The following DIPK1B variants were observed in gnomAD, a reference collection of about 807,000 sequenced individuals.
DIPK1B encodes family with sequence similarity 69 member B.
Under a neutral mutation model 20.7 loss-of-function variants are expected in DIPK1B, and 17 were observed. That is an observed-to-expected ratio of 0.82 (90% CI 0.56 to 1.23). The LOEUF (loss-of-function observed/expected upper bound fraction) is 1.23. DIPK1B is among the 50% of genes most tolerant of loss of function. The pLI, the probability that DIPK1B is intolerant of heterozygous loss-of-function variation, is 0.00. For missense variants in DIPK1B, 648 were observed against 601.8 expected, an observed-to-expected ratio of 1.08 and a Z score of -0.80; for synonymous variants, 343 against 276.5, an observed-to-expected ratio of 1.24 and a Z score of -2.39.
At position 136,723,183 on chromosome 9, in the gene DIPK1B, G is replaced by A. The variant is rs147142278; in HGVS notation, c.705G>A (p.Pro235=). 1.6e-4 allele frequency: 251 copies of A among 1,612,766 alleles called. No individual in the cohort carries two copies. The highest frequency in any genetic ancestry group is 1.7e-4 in the Admixed American group (10 of 60,008). The change falls in exon 5 of 5, where the codon CCG becomes CCA. Residue 235 remains proline, a synonymous_variant. Transcript: ENST00000371692. Reference sequence around the variant, plus strand: ...ACCTCTACCTCACCGAGGGCGTGCCGCATGGCGCCTGGCACGCGGCCGCCC... The same window carrying A: ...ACCTCTACCTCACCGAGGGCGTGCCACATGGCGCCTGGCACGCGGCCGCCC... ...CGDLYLTEGV[P]HGAWHAAALP... is the part of the protein sequence containing the mutation.
intron 1 of DIPK1B, among the ~76,000 whole-genome samples, chr9:136,713,875 G>A (rs1846460205): frequency 1.3e-5 from 2 of 152,238 alleles, no homozygotes; most frequent in African/African-American, 2.4e-5. Flanking sequence ...GGTTAGTGCT[G>A]TGGGGCTCCT....
At chr9:136,718,157 G>T (rs1588282294) in intron 2 of DIPK1B, among the ~76,000 whole-genome samples, 6 of 131,018 alleles carry the variant, frequency 4.6e-5, no homozygotes, top group African/African-American at 1.4e-4. Flanking sequence ...CCGTGTGCTG[G>T]CCTCACTGGC....
chr9:136,716,101 G>C (rs1337392708), intron 1 of DIPK1B, among the ~76,000 whole-genome samples: 1 of 151,826 alleles, frequency 6.6e-6, no homozygotes, highest in Non-Finnish European at 1.5e-5. Flanking sequence ...TCTTGTCCTG[G>C]GGCTCCTCCC....
At chr9:136,717,817 C>T (rs1330582379) in intron 2 of DIPK1B, 106 bp downstream of exon 2, 24 of 1,526,466 alleles carry the variant, frequency 1.6e-5, no homozygotes, top group East Asian at 4.6e-5. Flanking sequence ...CCAGGGCCCA[C>T]GAGGCACGTG....
rs1846516860 is a variant in DIPK1B, at chr9:136,717,574, C to A, written c.64-3C>A. On this transcript the variant is annotated splice_polypyrimidine_tract_variant and splice_region_variant and intron_variant, in intron 1 of 4. Transcript: ENST00000371692. ...CCTCCTCACGCAGCCCCTTCCCCCA[C>A]AGGGCCGGCTCCCAGGCCTCAGGGT... 6.3e-7 allele frequency: 1 copy of A among 1,598,226 alleles called. No individual in the cohort carries two copies. The highest frequency in any genetic ancestry group is 1.3e-5 in the African/African-American group (1 of 74,932).
Position 136,712,751 on chromosome 9 carries a change from G to T in DIPK1B, c.63+23G>T. On this transcript the variant is annotated intron_variant, in intron 1 of 4. Coordinates refer to ENST00000371692, the MANE Select transcript of DIPK1B (RefSeq NM_152421.4). The surrounding 1 kb of genome is among the most constrained non-coding windows in gnomAD (Gnocchi z 5.6). Reference sequence around the variant, plus strand: ...CAGGTAAGCGCGGTGCGCGCCCGCCGCCCCCGGCCGCCTCTGCCTGGGGAG... The same window carrying T: ...CAGGTAAGCGCGGTGCGCGCCCGCCTCCCCCGGCCGCCTCTGCCTGGGGAG... 1.5e-6 allele frequency: 2 copies of T among 1,318,910 alleles called. No individual in the cohort carries two copies. Among genetic ancestry groups the T allele is most frequent in the Admixed American group, 3.9e-5 (1 of 25,802 alleles). The allele number at this position is 1,318,910 out of a possible 1,614,324, so 81.7% of individuals were successfully genotyped here. A position where few individuals can be genotyped will look rare whatever the true frequency, so the allele number is the denominator to read the frequency against.
In DIPK1B at chr9:136,717,651, G is replaced by A. The variant is rs868560525; in HGVS notation, c.138G>A (p.Val46=). 24 of 1,608,552 alleles carry A rather than the reference G, an allele frequency of 1.5e-5. No individual in the cohort carries two copies. The Middle Eastern group carries it at 3.5e-3, about 231-fold the overall frequency. ...WLGVFAGSWL[V]YVHYSSYSER... ...GCGTCTTTGCAGGCAGCTGGCTGGT[G>A]TACGTGCACTACTCGTCCTACTCGG... The change falls in exon 2 of 5, where the codon GTG becomes GTA. Residue 46 remains valine (V), a synonymous_variant. Coordinates refer to ENST00000371692, the MANE Select transcript of DIPK1B (RefSeq NM_152421.4).
At chr9:136,722,904 T>C in intron 4 of DIPK1B, 58 bp from the exon 5 acceptor site, 9 of 1,499,392 alleles carry the variant, frequency 6.0e-6, no homozygotes, top group Non-Finnish European at 8.0e-6. Flanking sequence ...AAAGGCCAGG[T>C]CGTGCTCCCA....
rs370469234 is a variant in DIPK1B, at chr9:136,722,992, G to A, written c.514G>A (p.Ala172Thr). 1.4e-5 allele frequency: 23 copies of A among 1,608,870 alleles called. 1 individual carries two copies. In the South Asian group the frequency reaches 2.0e-4, roughly 14 times the overall value. ...ANLGDLPSLP[A>T]LVGQVLLMAD... ...CCTGGGAGACCTGCCTTCCCTGCCG[G>A]CGCTGGTTGGCCAGGTCCTGCTCAT... Residue 172 changes from alanine to threonine, a missense_variant, in exon 5 of 5, where the codon GCG becomes ACG. Coordinates refer to ENST00000371692, the MANE Select transcript of DIPK1B (RefSeq NM_152421.4).
intron 3 of DIPK1B, 48 bp downstream of exon 3, chr9:136,722,076 G>A (rs763630124): frequency 1.2e-6 from 2 of 1,613,546 alleles, no homozygotes; most frequent in Non-Finnish European, 1.7e-6. Flanking sequence ...TACTGCCCGT[G>A]CAGTGGGAGG....
intron 1 of DIPK1B, among the ~76,000 whole-genome samples, chr9:136,716,615 G>A (rs1846500191): frequency 6.6e-6 from 1 of 151,778 alleles, no homozygotes; most frequent in Non-Finnish European, 1.5e-5. Flanking sequence ...TGCCCAGGAT[G>A]GTCTCAAACT....
At position 136,722,248 on chromosome 9, in the gene DIPK1B, A is replaced by T. The variant is rs1846617924; in HGVS notation, c.430A>T (p.Thr144Ser). ...RRELVLFDKPTRGTSIKEFRE... is the reference protein window; with the variant it reads ...RRELVLFDKPSRGTSIKEFRE... ...GGAGCTGGTACTGTTTGACAAGCCC[A>T]CCCGGGGCACCTCCATCAAGGAATT... The change falls in exon 4 of 5, where the codon ACC (threonine) becomes TCC (serine). Residue 144 changes from threonine (T) to serine (S), a missense_variant. By Grantham distance (58) the Thr-to-Ser change is moderately conservative. Transcript: ENST00000371692. The T allele has an allele frequency of 6.2e-7, 1 of 1,613,532 alleles. No homozygotes were observed. Among genetic ancestry groups the T allele is most frequent in the Non-Finnish European group, 8.5e-7 (1 of 1,179,928 alleles).
intron 2 of DIPK1B, among the ~76,000 whole-genome samples, chr9:136,720,283 G>A (rs12685134): frequency 0.08 from 12,168 of 152,244 alleles, 585 homozygotes; most frequent in Middle Eastern, 0.13. Flanking sequence ...CATGACTCAC[G>A]TGGCGGGGTC....
chr9:136,724,290 C>A lies in DIPK1B; in HGVS notation c.*516C>A, dbSNP rs1305341087. ...CTTCTGAAACAGTCAATGACCAGTA[C>A]CCCCCAAACCTGGGCTGTGCACAAC... On this transcript the variant is annotated 3_prime_UTR_variant, in exon 5 of 5. Transcript: ENST00000371692. Among the ~76,000 whole-genome samples, 2 of 152,180 alleles carry A rather than the reference C, an allele frequency of 1.3e-5. No individual in the cohort carries two copies. Among genetic ancestry groups the A allele is most frequent in the African/African-American group, 4.8e-5 (2 of 41,422 alleles).
chr9:136,715,903 G>C (rs977296512), intron 1 of DIPK1B, among the ~76,000 whole-genome samples: 4 of 152,150 alleles, frequency 2.6e-5, no homozygotes, highest in Non-Finnish European at 2.9e-5. Context: ...ACCTCCCTCT[G>C]TCCGCAGAGC....
At chr9:136,713,334 A>G (rs1310178694) in intron 1 of DIPK1B, among the ~76,000 whole-genome samples, 1 of 152,036 alleles carries the variant, frequency 6.6e-6, no homozygotes, top group Non-Finnish European at 1.5e-5. Context: ...CCGGCCTCGG[A>G]TGGGATGCCC....
Position 136,723,647 on chromosome 9 carries a change from G to A in DIPK1B, c.1169G>A (p.Gly390Asp). Residue 390 changes from glycine to aspartate, a missense_variant, in exon 5 of 5, where the codon GGC (glycine) becomes GAC (aspartate). Transcript: ENST00000371692. Reference sequence around the variant, plus strand: ...CCCGCCGACCTCCGCGAGGAGCTGGGCACACAGCTGCGCACCTGTACCACG... The same window carrying A: ...CCCGCCGACCTCCGCGAGGAGCTGGACACACAGCTGCGCACCTGTACCACG... ...GAPADLREEL[G>D]TQLRTCTTLS... 1 of 1,563,712 alleles carries A rather than the reference G, an allele frequency of 6.4e-7. No individual in the cohort carries two copies. Among genetic ancestry groups the A allele is most frequent in the Non-Finnish European group, 8.6e-7 (1 of 1,157,142 alleles).
chr9:136,713,545 C>T (rs1047452074), intron 1 of DIPK1B, among the ~76,000 whole-genome samples: 1 of 152,228 alleles, frequency 6.6e-6, no homozygotes, highest in Non-Finnish European at 1.5e-5. Context: ...CAGATTGCAG[C>T]GAGACCCTCT....
Position 136,723,508 on chromosome 9 carries a change from C to T in DIPK1B, c.1030C>T (p.Arg344Cys), listed in dbSNP as rs890739300. The stretch of plus-strand genomic sequence containing the variant: ...GCACAGCACCGACTGCACCTACGGG[C>T]GCGACTGCAGGGCCCCGTGTGACAG... ...CEHSTDCTYG[R>C]DCRAPCDRLM... is the part of the protein sequence containing the mutation. Residue 344 changes from arginine (R) to cysteine (C), a missense_variant, in exon 5 of 5, where the codon CGC (arginine) becomes TGC (cysteine). Coordinates refer to ENST00000371692, the MANE Select transcript of DIPK1B (RefSeq NM_152421.4). 11 of 1,603,512 alleles carry T rather than the reference C, an allele frequency of 6.9e-6. No homozygotes were observed. Among genetic ancestry groups the T allele is most frequent in the East Asian group, 6.7e-5 (3 of 44,472 alleles).
Sources: gnomAD v4.1 joint callset for allele counts (sites outside exome capture counted in the v4.1 genomes callset) on GRCh38, gnomAD v4.1.1 for gene constraint, Gnocchi (gnomAD v3.1) non-coding constraint, MANE v1.5 for transcripts, NCBI Gene and HGNC (gene_info 2026-07-23, HGNC 2026-07-21) for gene names.